LDLRAD3: variants seen among roughly 807,000 people sequenced by gnomAD.
LDLRAD3 encodes the protein low-density lipoprotein receptor class A domain-containing protein 3.
LDLRAD3 carries 20 observed loss-of-function variants against 29.4 expected under a neutral mutation model. The ratio of observed to expected loss-of-function variants is 0.68; its 90% confidence interval spans 0.48 to 0.99. The LOEUF (loss-of-function observed/expected upper bound fraction) is 0.99. LDLRAD3 is among the 50% of genes least tolerant of loss of function. The probability of loss-of-function intolerance (pLI) is 0.00; values close to 1 mark genes in which losing one functional copy is unlikely to be tolerated. For missense variants in LDLRAD3, 420 were observed against 454.3 expected (o/e 0.92, Z 0.69); for synonymous variants, 157 against 192.7 (o/e 0.81, Z 1.53).
At chr11:36,193,145 A>T (rs1590345207) in intron 4 of LDLRAD3, among the ~76,000 whole-genome samples, 1 of 152,134 alleles carries the variant, frequency 6.6e-6, no homozygotes, top group South Asian at 2.1e-4. Flanking sequence ...CAGTTTCCTC[A>T]TCTGTAAAAT....
intron 2 of LDLRAD3, among the ~76,000 whole-genome samples, chr11:36,044,349 GCT>G (rs1852420411): frequency 6.6e-6 from 1 of 152,300 alleles, no homozygotes; most frequent in South Asian, 2.1e-4. Context: ...GTGAAGATCA[GCT>G]CTGAGTCTGA....
chr11:36,069,425 A>G (rs1259004982), intron 2 of LDLRAD3, among the ~76,000 whole-genome samples: 1 of 152,236 alleles, frequency 6.6e-6, no homozygotes, highest in African/African-American at 2.4e-5. Flanking sequence ...TAGCAGCAAC[A>G]TCAGATCGAC....
At chr11:36,066,570 A>C (rs1180064754) in intron 2 of LDLRAD3, among the ~76,000 whole-genome samples, 1 of 152,238 alleles carries the variant, frequency 6.6e-6, no homozygotes, top group Non-Finnish European at 1.5e-5. Context: ...ACAAATAGCC[A>C]AAATAAATAA....
chr11:36,022,634 A>G (rs772768234), intron 1 of LDLRAD3, among the ~76,000 whole-genome samples: 26 of 152,158 alleles, frequency 1.7e-4, no homozygotes, highest in Non-Finnish European at 3.2e-4. Context: ...TAATTCCCTG[A>G]GCTTGGAAAG....
chr11:35,987,965 G>A (rs989624683), intron 1 of LDLRAD3, among the ~76,000 whole-genome samples: 2 of 152,094 alleles, frequency 1.3e-5, no homozygotes, highest in Non-Finnish European at 2.9e-5. Context: ...TCATTCTGAC[G>A]GGTATGAGAT....
rs1047791179 is a variant in LDLRAD3, at chr11:35,992,722, G to A, written c.47-43381G>A. Among the ~76,000 whole-genome samples the A allele has an allele frequency of 3.9e-5, 6 of 152,184 alleles. No individual in the cohort carries two copies. In the East Asian group the frequency reaches 1.2e-3, roughly 29 times the overall value. The stretch of plus-strand genomic sequence containing the variant: ...GTTTGGGAGGAAATAGGGCATGGCT[G>A]CTAATGGGCATGGGGTTTCCTTTTG... On this transcript the variant is annotated intron_variant, in intron 1 of 5. Transcript: ENST00000315571.
In LDLRAD3 at chr11:36,081,789, C is replaced by T. The variant is rs371526278; in HGVS notation, c.319+11C>T. On this transcript the variant is annotated intron_variant, in intron 3 of 5. Coordinates refer to ENST00000315571, the MANE Select transcript of LDLRAD3 (RefSeq NM_174902.4). ...ATGAAGAGAACTGCAGTAAGTGCTGCGCACTTGAACACTGTGATCCCTTGT... is the reference window on the plus strand; with the variant it reads ...ATGAAGAGAACTGCAGTAAGTGCTGTGCACTTGAACACTGTGATCCCTTGT... The T allele has an allele frequency of 1.4e-5, 22 of 1,614,080 alleles. No individual in the cohort carries two copies. The highest frequency in any genetic ancestry group is 1.7e-4 in the Middle Eastern group (1 of 6,060).
At chr11:36,216,503 C>T (rs1008745227) in intron 4 of LDLRAD3, among the ~76,000 whole-genome samples, 6 of 152,184 alleles carry the variant, frequency 3.9e-5, no homozygotes, top group Non-Finnish European at 7.4e-5. Flanking sequence ...CATTTCTATA[C>T]ATATTTTCCC....
At chr11:36,152,259 A>G (rs922440632) in intron 4 of LDLRAD3, among the ~76,000 whole-genome samples, 4 of 152,220 alleles carry the variant, frequency 2.6e-5, no homozygotes, top group Non-Finnish European at 5.9e-5. Flanking sequence ...TCACCAGGGA[A>G]TCTTTCCATT....
At chr11:35,963,230 G>T (rs1434788055) in intron 1 of LDLRAD3, among the ~76,000 whole-genome samples, 1 of 152,168 alleles carries the variant, frequency 6.6e-6, no homozygotes, top group African/African-American at 2.4e-5. Flanking sequence ...GGTAAACATA[G>T]AAATTGACCC....
intron 4 of LDLRAD3, among the ~76,000 whole-genome samples, chr11:36,116,958 C>T (rs1853684012): frequency 6.6e-6 from 1 of 151,856 alleles, no homozygotes. Context: ...TCTCGTGCCT[C>T]AGCCTCCTGA....
At chr11:36,203,333 T>C (rs1274875374) in intron 4 of LDLRAD3, among the ~76,000 whole-genome samples, 2 of 152,208 alleles carry the variant, frequency 1.3e-5, no homozygotes, top group Admixed American at 6.5e-5. Flanking sequence ...TGCATGCTCT[T>C]ATCCTTCATT....
At chr11:36,043,581 G>A (rs375777090) in intron 2 of LDLRAD3, among the ~76,000 whole-genome samples, 1 of 152,202 alleles carries the variant, frequency 6.6e-6, no homozygotes, top group African/African-American at 2.4e-5. Context: ...AGTAGGGTGG[G>A]CCCTTAATCC....
chr11:36,223,599 C>T (rs781180926), intron 4 of LDLRAD3, among the ~76,000 whole-genome samples: 3 of 152,030 alleles, frequency 2.0e-5, no homozygotes, highest in Non-Finnish European at 2.9e-5. Flanking sequence ...TTGTGTGACG[C>T]ACCCTTGTAG....
intron 1 of LDLRAD3, among the ~76,000 whole-genome samples, chr11:35,953,817 CCAGAA>C (rs1280930606): frequency 1.3e-5 from 2 of 151,922 alleles, no homozygotes; most frequent in African/African-American, 4.8e-5. Context: ...CTAAGAGAAA[CCAGAA>C]CAGAACTAAA....
intron 1 of LDLRAD3, chr11:35,997,573 C>G (rs1381249234): frequency 3.3e-6 from 1 of 306,586 alleles, no homozygotes; most frequent in Non-Finnish European, 6.3e-6. Flanking sequence ...GCAGACATAC[C>G]CAGAGGGCCA....
intron 1 of LDLRAD3, among the ~76,000 whole-genome samples, chr11:36,011,412 C>T (rs1322169512): frequency 6.6e-6 from 1 of 151,984 alleles, no homozygotes; most frequent in Non-Finnish European, 1.5e-5. Context: ...TTCCATGGCC[C>T]CAATCAGTGA....
intron 1 of LDLRAD3, among the ~76,000 whole-genome samples, chr11:35,978,466 G>C (rs999019524): frequency 1.3e-5 from 2 of 152,164 alleles, no homozygotes; most frequent in Admixed American, 6.5e-5. Context: ...GTTTGCTGTC[G>C]TGGTAGCTCT....
chr11:36,139,395 A>G (rs966515552), intron 4 of LDLRAD3, among the ~76,000 whole-genome samples: 1 of 152,128 alleles, frequency 6.6e-6, no homozygotes, highest in Non-Finnish European at 1.5e-5. Flanking sequence ...TTGTCTCCCC[A>G]TTCAGGTCTC....
Sources: gnomAD v4.1 joint callset for allele counts (sites outside exome capture counted in the v4.1 genomes callset) on GRCh38, gnomAD v4.1.1 for gene constraint, MANE v1.5 for transcripts, NCBI Gene and HGNC (gene_info 2026-07-23, HGNC 2026-07-21) for gene names.